Variants in SNRNP70 observed in about 807,000 individuals in gnomAD.
SNRNP70 encodes U1 small nuclear ribonucleoprotein 70 kDa.
Under a neutral mutation model 50.5 loss-of-function variants are expected in SNRNP70, and 8 were observed. That is an observed-to-expected ratio of 0.16 (90% confidence interval 0.09 to 0.29). The LOEUF (loss-of-function observed/expected upper bound fraction) is 0.29, where lower values mean the gene tolerates loss of function less well. SNRNP70 is among the 10% of genes least tolerant of loss of function. The pLI is 1.00. For missense variants in SNRNP70, 529 were observed against 663.5 expected (o/e 0.80, Z 2.23); for synonymous variants, 320 against 252.9 (o/e 1.27, Z -2.52).
At position 49,107,852 on chromosome 19, in the gene SNRNP70, C is replaced by T. The variant is rs2040694814; in HGVS notation, c.723C>T (p.Arg241=). 4 of 1,565,766 alleles carry T rather than the reference C, an allele frequency of 2.6e-6. No homozygotes were observed. Among genetic ancestry groups the T allele is most frequent in the African/African-American group, 1.4e-5 (1 of 73,618 alleles). Residue 241 remains arginine, a synonymous_variant, in exon 10 of 10, where the codon CGC becomes CGT. Transcript: ENST00000598441. The surrounding 1 kb of genome is among the most constrained non-coding windows in gnomAD (Gnocchi z 6.0). ...RDRDRDRERE[R]RERSRERDKE... ...GGGACCGGGACCGTGAGCGGGAGCG[C>T]AGAGAGCGGAGCCGGGAGCGAGACA...
At chr19:49,100,517 C>T (rs1324014663) in intron 6 of SNRNP70, among the ~76,000 whole-genome samples, 1 of 152,142 alleles carries the variant, frequency 6.6e-6, no homozygotes, top group African/African-American at 2.4e-5. Context: ...TAGAACTTCC[C>T]TGTCCTTGGC....
chr19:49,094,534 A>G (rs2040488895), intron 4 of SNRNP70, among the ~76,000 whole-genome samples: 1 of 152,156 alleles, frequency 6.6e-6, no homozygotes, highest in Non-Finnish European at 1.5e-5. Flanking sequence ...GATAGGGATG[A>G]AACAAGTCCG....
chr19:49,094,047 A>G (rs58655983), intron 4 of SNRNP70, among the ~76,000 whole-genome samples: 3,687 of 152,236 alleles, frequency 0.024, 157 homozygotes, highest in African/African-American at 0.084. Context: ...GTAAGTTCCA[A>G]TTGGGCGAAC....
intron 3 of SNRNP70, 21 bp downstream of exon 3, chr19:49,090,374 G>T (rs1448861902): frequency 1.2e-6 from 2 of 1,613,704 alleles, no homozygotes; most frequent in African/African-American, 2.7e-5. Flanking sequence ...TTTGCTTCCT[G>T]ACCCCCTGTT....
At chr19:49,090,653 G>T in intron 4 of SNRNP70, 133 bp downstream of exon 4, 1 of 809,448 alleles carries the variant, frequency 1.2e-6, no homozygotes, top group Middle Eastern at 2.4e-4. Flanking sequence ...CATTTGTTTA[G>T]CCCCTGCCAC....
At chr19:49,096,272 G>T (rs2040512422) in intron 4 of SNRNP70, among the ~76,000 whole-genome samples, 1 of 151,510 alleles carries the variant, frequency 6.6e-6, no homozygotes, top group African/African-American at 2.4e-5. Flanking sequence ...TGCCAGGCTG[G>T]TCTCAAACAC....
At chr19:49,099,136 T>G (rs2040549101) in intron 6 of SNRNP70, among the ~76,000 whole-genome samples, 1 of 152,208 alleles carries the variant, frequency 6.6e-6, no homozygotes. Context: ...TTCTTTTAAG[T>G]CACTGAAGTG....
chr19:49,086,791 G>A (rs1178316244), intron 2 of SNRNP70, among the ~76,000 whole-genome samples: 1 of 152,032 alleles, frequency 6.6e-6, no homozygotes, highest in Non-Finnish European at 1.5e-5. Context: ...GATTGCTTGA[G>A]CCCAGGAGTC....
At chr19:49,093,074 C>T (rs2040467831) in intron 4 of SNRNP70, among the ~76,000 whole-genome samples, 1 of 150,890 alleles carries the variant, frequency 6.6e-6, no homozygotes, top group Admixed American at 6.8e-5. Context: ...GCCACCATGC[C>T]CAGCCAAAAG....
intron 2 of SNRNP70, among the ~76,000 whole-genome samples, chr19:49,089,820 G>C (rs1427913957): frequency 6.6e-6 from 1 of 151,220 alleles, no homozygotes; most frequent in Non-Finnish European, 1.5e-5. Flanking sequence ...CCACCACCAC[G>C]CCCGGCTAAT....
At chr19:49,092,725 TAACC>T (rs2040462827) in intron 4 of SNRNP70, among the ~76,000 whole-genome samples, 1 of 152,068 alleles carries the variant, frequency 6.6e-6, no homozygotes, top group Non-Finnish European at 1.5e-5. Context: ...GTCTATATCT[TAACC>T]AACCACATCC....
chr19:49,086,432 G>A lies in SNRNP70; in HGVS notation c.18G>A (p.Pro6=), dbSNP rs750389332. The A allele has an allele frequency of 1.2e-6, 2 of 1,613,076 alleles. No homozygotes were observed. The highest frequency in any genetic ancestry group is 1.3e-5 in the African/African-American group (1 of 74,974). Residue 6 remains proline, a synonymous_variant, in exon 2 of 10, where the codon CCG becomes CCA. Transcript: ENST00000598441. ...TTGGCAAGATGACCCAGTTCCTGCC[G>A]CCCAACCTTCTGGCCCTCTTTGCCC... The part of the protein sequence containing the change: MTQFL[P]PNLLALFAPR...
At position 49,104,851 on chromosome 19, in the gene SNRNP70, G is replaced by T; in HGVS notation, c.577+116G>T. 1 of 621,242 alleles carries T rather than the reference G, an allele frequency of 1.6e-6. No individual in the cohort carries two copies. The highest frequency in any genetic ancestry group is 2.7e-6 in the Non-Finnish European group (1 of 364,564). The allele number at this position is 621,242 out of a possible 1,614,324, so 38.5% of individuals were successfully genotyped here. On this transcript the variant is annotated intron_variant, in intron 8 of 9. Coordinates refer to ENST00000598441, the MANE Select transcript of SNRNP70 (RefSeq NM_003089.6). The surrounding 1 kb of genome is among the most constrained non-coding windows in gnomAD (Gnocchi z 5.4). ...CCTGCCGGCCCACCTCTCCCATCGC[G>T]TCCTCATCTCCGGCTTCTCTCTCTT...
Position 49,104,829 on chromosome 19 carries a change from G to C in SNRNP70, c.577+94G>C. On this transcript the variant is annotated intron_variant, in intron 8 of 9. Transcript: ENST00000598441. This position sits in a 1 kb window ranked among gnomAD's most constrained non-coding sequence, Gnocchi z 5.4. ...GCTGCTTTCTGCTTCTCTGTCTCCT[G>C]CCGGCCCACCTCTCCCATCGCGTCC... The C allele has an allele frequency of 1.3e-6, 1 of 751,646 alleles. No individual in the cohort carries two copies. The highest frequency in any genetic ancestry group is 2.1e-6 in the Non-Finnish European group (1 of 478,584). 46.6% of individuals were successfully genotyped at this position (751,646 alleles called of 1,614,324 possible).
At chr19:49,101,644 A>T in intron 7 of SNRNP70, 173 bp downstream of exon 7, 1 of 600,608 alleles carries the variant, frequency 1.7e-6, no homozygotes, top group East Asian at 2.8e-5. Flanking sequence ...CGTGTTTTTT[A>T]AAAAACAAAA....
chr19:49,095,146 C>CT (rs1458676907), intron 4 of SNRNP70, among the ~76,000 whole-genome samples: 2 of 152,214 alleles, frequency 1.3e-5, no homozygotes, highest in African/African-American at 2.4e-5. Context: ...TGCTTTTTAC[C>CT]TTTAGTCACA....
At chr19:49,101,505 C>T in intron 7 of SNRNP70, 34 bp downstream of exon 7, 1 of 1,470,232 alleles carries the variant, frequency 6.8e-7, no homozygotes, top group Non-Finnish European at 9.5e-7. Flanking sequence ...GCCCTCTGAC[C>T]TGCTCTCACT....
chr19:49,096,300 G>A (rs551660507), intron 4 of SNRNP70, among the ~76,000 whole-genome samples: 4 of 151,702 alleles, frequency 2.6e-5, no homozygotes, highest in Non-Finnish European at 4.4e-5. Flanking sequence ...CAGGTGATCC[G>A]TCCGCCTTAG....
At chr19:49,086,633 T>C in intron 2 of SNRNP70, 72 bp downstream of exon 2, 1 of 1,440,818 alleles carries the variant, frequency 6.9e-7, no homozygotes, top group Non-Finnish European at 9.7e-7. Flanking sequence ...GAGTCCAGCT[T>C]CTGGCCATTT....
Sources: allele counts gnomAD v4.1 joint callset (sites outside exome capture counted in the v4.1 genomes callset), GRCh38; gene constraint gnomAD v4.1.1; non-coding constraint Gnocchi (gnomAD v3.1); transcripts MANE v1.5; gene names NCBI Gene and HGNC (gene_info 2026-07-23, HGNC 2026-07-21).